Variants in ALDH1L1 observed in about 807,000 individuals in gnomAD.
The protein encoded by ALDH1L1 is cytosolic 10-formyltetrahydrofolate dehydrogenase.
A neutral mutation model predicts 101.1 loss-of-function variants in ALDH1L1; 68 were observed. The ratio of observed to expected loss-of-function variants is 0.67; its 90% CI spans 0.55 to 0.82. The LOEUF is 0.82. Among genes scored for constraint, ALDH1L1 ranks in the 40% least tolerant of loss-of-function variants. The probability of loss-of-function intolerance (pLI) is 0.00; values close to 1 mark genes in which losing one functional copy is unlikely to be tolerated. For missense variants in ALDH1L1, 1,087 were observed against 1,172.7 expected (o/e 0.93, Z 1.07); for synonymous variants, 486 against 470.8 (o/e 1.03, Z -0.42).
intron 12 of ALDH1L1, among the ~76,000 whole-genome samples, chr3:126,132,304 A>G (rs1201066800): frequency 1.3e-5 from 2 of 151,998 alleles, no homozygotes; most frequent in Admixed American, 6.5e-5. Flanking sequence ...CGTTTCCCAC[A>G]CTGCTCCCCT....
chr3:126,155,319 G>A, intron 5 of ALDH1L1, 83 bp downstream of exon 5: 3 of 1,271,132 alleles, frequency 2.4e-6, no homozygotes, highest in African/African-American at 1.5e-5. Flanking sequence ...CATCTGGGCT[G>A]AACCCCAGCC....
intron 4 of ALDH1L1, 130 bp downstream of exon 4, chr3:126,157,213 G>A: frequency 8.7e-7 from 1 of 1,143,024 alleles, no homozygotes; most frequent in Non-Finnish European, 1.2e-6. Context: ...TGAAGTGAGA[G>A]CTCCTCTCCC....
At chr3:126,154,781 T>A in intron 5 of ALDH1L1, 138 bp from the exon 6 acceptor site, 2 of 709,166 alleles carry the variant, frequency 2.8e-6, no homozygotes, top group Non-Finnish European at 4.9e-6. Context: ...CAGGAGTCCC[T>A]GAGCTGGTGC....
intron 17 of ALDH1L1, 60 bp from the exon 18 acceptor site, chr3:126,114,716 C>A: frequency 2.0e-6 from 3 of 1,513,792 alleles, no homozygotes; most frequent in Admixed American, 1.7e-5. Flanking sequence ...GGCATTGGGA[C>A]CCCAGGTGGC....
Position 126,155,130 on chromosome 3 carries a change from T to C in ALDH1L1, c.630+272A>G, listed in dbSNP as rs4646708. On this transcript the variant is annotated intron_variant, in intron 5 of 22. Coordinates refer to ENST00000393434, the MANE Select transcript of ALDH1L1 (RefSeq NM_012190.4). ...TGACGTTTTGCCCCCTAACTCCCAC[T>C]CTTATCTCCCTGTGGGCTTTGTCTG... is the stretch of plus-strand genomic sequence containing the variant. Among the ~76,000 whole-genome samples, 10,481 of 152,120 alleles carry C rather than the reference T, an allele frequency of 0.069. 432 individuals are homozygous for C. Among genetic ancestry groups the C allele is most frequent in the African/African-American group, 0.1 (4,245 of 41,492 alleles).
intron 18 of ALDH1L1, among the ~76,000 whole-genome samples, chr3:126,113,347 C>T (rs1413809041): frequency 2.6e-5 from 4 of 152,186 alleles, no homozygotes; most frequent in African/African-American, 9.7e-5. Context: ...GGGTGGGACA[C>T]AGGCAGGCAG....
chr3:126,152,408 CACAG>C (rs1440607724), intron 7 of ALDH1L1: 7 of 152,194 alleles, frequency 4.6e-5, no homozygotes. Context: ...GGAACCTGAC[CACAG>C]ACAGATATTC....
intron 12 of ALDH1L1, among the ~76,000 whole-genome samples, chr3:126,133,133 T>A (rs1283853917): frequency 2.0e-5 from 3 of 152,156 alleles, no homozygotes; most frequent in Non-Finnish European, 4.4e-5. Flanking sequence ...ATTTTCCCAC[T>A]CCCAGTTAGG....
intron 19 of ALDH1L1, 145 bp downstream of exon 19, chr3:126,112,637 G>T (rs1559917051): frequency 5.7e-6 from 4 of 701,994 alleles, no homozygotes; most frequent in African/African-American, 5.3e-5. Context: ...TCCCGCTGTG[G>T]GTTCCCTGAC....
At chr3:126,157,539 C>T in intron 3 of ALDH1L1, 31 bp from the exon 4 acceptor site, 2 of 1,605,534 alleles carry the variant, frequency 1.2e-6, no homozygotes, top group Middle Eastern at 1.7e-4. Flanking sequence ...ACCTGGAGTC[C>T]ACGATGAAGG....
At chr3:126,152,674 G>C (rs922051784) in intron 7 of ALDH1L1, 2 of 155,502 alleles carry the variant, frequency 1.3e-5, no homozygotes, top group African/African-American at 4.8e-5. Context: ...CCCTACCCCC[G>C]GCTGCTCATG....
chr3:126,105,821 A>G lies in ALDH1L1; in HGVS notation c.2558T>C (p.Leu853Pro). 1 of 1,614,174 alleles carries G rather than the reference A, an allele frequency of 6.2e-7. No individual in the cohort carries two copies. Among genetic ancestry groups the G allele is most frequent in the Non-Finnish European group, 8.5e-7 (1 of 1,180,040 alleles). The change falls in exon 22 of 23, where the codon CTC (leucine) becomes CCC (proline). Residue 853 changes from leucine (L) to proline (P), a missense_variant. Leu to Pro is a moderately conservative substitution (Grantham distance 98). Transcript: ENST00000393434. The part of the protein sequence containing the change: ...INKALYVSDK[L>P]QAGTVFVNTY... Reference sequence around the variant, plus strand: ...GTTGACAAACACAGTGCCTGCCTGGAGCTTGTCACTGACATACAGGGCCTT... The same window carrying G: ...GTTGACAAACACAGTGCCTGCCTGGGGCTTGTCACTGACATACAGGGCCTT...
chr3:126,197,526 C>T (rs1022419984), intron 1 of ALDH1L1, among the ~76,000 whole-genome samples: 8 of 152,156 alleles, frequency 5.3e-5, no homozygotes, highest in Non-Finnish European at 1.2e-4. Flanking sequence ...TAACTGGATC[C>T]AAGCCAGTTA....
chr3:126,153,314 G>A (rs185740043), intron 7 of ALDH1L1, 130 bp downstream of exon 7: 1 of 1,423,988 alleles, frequency 7.0e-7, no homozygotes. Flanking sequence ...ATCAGGGTCA[G>A]TGTTCCTTCC....
rs1005990129 is a variant in ALDH1L1 at position 126,124,367 on chromosome 3, A to G, written c.1885T>C (p.Ser629Pro). The G allele has an allele frequency of 6.2e-7, 1 of 1,611,082 alleles. No individual in the cohort carries two copies. The highest frequency in any genetic ancestry group is 1.1e-5 in the South Asian group (1 of 90,452). Residue 629 changes from serine (S) to proline (P), a missense_variant, in exon 16 of 23, where the codon TCT (serine) becomes CCT (proline). By Grantham distance (74) the Ser-to-Pro change is moderately conservative. Around this residue, in one of 2 missense-constraint regions of ALDH1L1, gnomAD observed 442 missense variants for 535.7 expected, o/e 0.83. Coordinates refer to ENST00000393434, the MANE Select transcript of ALDH1L1 (RefSeq NM_012190.4). Reference sequence around the variant, plus strand: ...TGCCCCCGACAATGGCTCTTACCAGATCCTGGGAGGACGTTAACCACACCT... The same window carrying G: ...TGCCCCCGACAATGGCTCTTACCAGGTCCTGGGAGGACGTTAACCACACCT... Reference protein sequence around the residue: ...PKGVVNVLPGSGSLVGQRLSD... With the variant: ...PKGVVNVLPGPGSLVGQRLSD...
intron 7 of ALDH1L1, chr3:126,152,578 G>A (rs3772411): frequency 0.24 from 36,068 of 152,542 alleles, 5,066 homozygotes; most frequent in Middle Eastern, 0.33. Context: ...CTGGTAGGCC[G>A]GACACAGCAA....
At chr3:126,118,517 C>A (rs1455955933) in intron 16 of ALDH1L1, among the ~76,000 whole-genome samples, 2 of 152,120 alleles carry the variant, frequency 1.3e-5, no homozygotes, top group Non-Finnish European at 2.9e-5. Flanking sequence ...GAAGCTGACG[C>A]TGCTGACACC....
chr3:126,115,216 C>T (rs1417977306), intron 17 of ALDH1L1: 3 of 390,244 alleles, frequency 7.7e-6, no homozygotes, highest in Admixed American at 5.8e-5. Flanking sequence ...GTATTAGTGG[C>T]AGAGCAAACA....
intron 5 of ALDH1L1, 27 bp from the exon 6 acceptor site, chr3:126,154,670 A>C: frequency 1.2e-5 from 20 of 1,607,628 alleles, no homozygotes; most frequent in Non-Finnish European, 1.7e-5. Context: ...GTGTGTGCTC[A>C]GCTGGTCTCT....
Sources: allele counts gnomAD v4.1 joint callset (sites outside exome capture counted in the v4.1 genomes callset), GRCh38; gene constraint gnomAD v4.1.1; regional missense constraint gnomAD v4.1.1; transcripts MANE v1.5; gene names NCBI Gene and HGNC (gene_info 2026-07-23, HGNC 2026-07-21).